The following RNF11 variants were observed in gnomAD, a reference collection of about 807,000 sequenced individuals.
RNF11 encodes ring finger protein 11.
A neutral mutation model predicts 15.8 loss-of-function variants in RNF11; 4 were observed. The ratio of observed to expected loss-of-function variants is 0.25; its 90% CI spans 0.12 to 0.58. The LOEUF (loss-of-function observed/expected upper bound fraction) is 0.58, where lower values mean the gene tolerates loss of function less well. Among genes scored for constraint, RNF11 ranks in the 20% least tolerant of loss-of-function variants. RNF11 has a pLI of 0.91. For synonymous variants in RNF11, 68 were observed against 72.3 expected, an observed-to-expected ratio of 0.94 and a Z score of 0.30; for missense variants, 139 against 194.4, an observed-to-expected ratio of 0.71 and a Z score of 1.70.
chr1:51,260,332 G>A (rs1480483523), intron 1 of RNF11, among the ~76,000 whole-genome samples: 1 of 152,138 alleles, frequency 6.6e-6, no homozygotes, highest in Admixed American at 6.5e-5. Context: ...TTTCTAAATA[G>A]GCTCATGTCT....
rs1646872988 is a variant in RNF11, at chr1:51,250,644, C to G, written c.123+13765C>G. ...AGCCTGGGTCCGCTGCACGGAGACT[C>G]TGGCGTGGGCCTTGATGAGGTGGTC... On this transcript the variant is annotated intron_variant, in intron 1 of 2. Coordinates refer to ENST00000242719, the MANE Select transcript of RNF11 (RefSeq NM_014372.5). 3 of 793,408 alleles carry G rather than the reference C, an allele frequency of 3.8e-6. No individual in the cohort carries two copies. The South Asian group carries it at 4.5e-5, about 12-fold the overall frequency. 49.1% of individuals were successfully genotyped at this position (793,408 alleles called of 1,614,324 possible).
In RNF11 at chr1:51,236,706, A is replaced by G. The variant is rs765047688; in HGVS notation, c.-51A>G. 1 of 1,603,212 alleles carries G rather than the reference A, an allele frequency of 6.2e-7. No individual in the cohort carries two copies. Among genetic ancestry groups the G allele is most frequent in the Non-Finnish European group, 8.5e-7 (1 of 1,175,420 alleles). On this transcript the variant is annotated 5_prime_UTR_variant, in exon 1 of 3. Transcript: ENST00000242719. The stretch of plus-strand genomic sequence containing the variant: ...AGGCGGACCGCGGAGTGTGCGAACG[A>G]CCCCACCGCTGCTTTCTCCTCCCCC...
chr1:51,237,839 C>A (rs1646812102), intron 1 of RNF11, among the ~76,000 whole-genome samples: 2 of 152,096 alleles, frequency 1.3e-5, no homozygotes, highest in South Asian at 4.1e-4. Flanking sequence ...TTAATTTCTT[C>A]CTGAAGAGTT....
chr1:51,236,645 TC>T lies in RNF11; in HGVS notation c.-108del. 13 of 1,462,894 alleles carry T rather than the reference TC, an allele frequency of 8.9e-6. No individual in the cohort carries two copies. In the South Asian group the frequency reaches 1.4e-4, roughly 15 times the overall value. 90.6% of individuals were successfully genotyped at this position (1,462,894 alleles called of 1,614,324 possible). A position where few individuals can be genotyped will look rare whatever the true frequency, so the allele number is the denominator to read the frequency against. ...GGGCGGTGGAGTCGCCTCCGCCTGA[TC>T]CCCGGCCTGTCGCCCGACCCCACCT... On this transcript the variant is annotated 5_prime_UTR_variant, in exon 1 of 3. Transcript: ENST00000242719.
rs72898419 is a variant in RNF11 at position 51,259,940 on chromosome 1, C to G, written c.124-10016C>G. ...ATTTTATGTAGCAATTCAAGGCCAT[C>G]AATAGTTGTAGTCTTAAAAGCCCCT... On this transcript the variant is annotated intron_variant, in intron 1 of 2. Coordinates refer to ENST00000242719, the MANE Select transcript of RNF11 (RefSeq NM_014372.5). Among the ~76,000 whole-genome samples, 1,372 of 152,248 alleles carry G rather than the reference C, an allele frequency of 9.0e-3. 21 individuals carry two copies. Among genetic ancestry groups the G allele is most frequent in the African/African-American group, 0.032 (1,330 of 41,530 alleles).
intron 1 of RNF11, among the ~76,000 whole-genome samples, chr1:51,241,824 G>A (rs566764006): frequency 2.0e-5 from 3 of 152,190 alleles, no homozygotes; most frequent in Admixed American, 6.5e-5. Context: ...GTCCATGAGA[G>A]GGGGAGGCCA....
intron 1 of RNF11, among the ~76,000 whole-genome samples, chr1:51,246,365 A>G (rs1305483688): frequency 6.6e-6 from 1 of 152,182 alleles, no homozygotes; most frequent in Non-Finnish European, 1.5e-5. Flanking sequence ...GCTTGAGCCC[A>G]GGAGTTCGAA....
chr1:51,256,963 C>A (rs1441906275), intron 1 of RNF11, among the ~76,000 whole-genome samples: 2 of 152,132 alleles, frequency 1.3e-5, no homozygotes, highest in African/African-American at 4.8e-5. Flanking sequence ...CGTGAGCCAC[C>A]GTGCCTGGTC....
chr1:51,266,682 C>G (rs371283556), intron 1 of RNF11, among the ~76,000 whole-genome samples: 18 of 152,108 alleles, frequency 1.2e-4, no homozygotes, highest in African/African-American at 3.9e-4. Flanking sequence ...AGGCTGGTCT[C>G]AAACTCCTGA....
chr1:51,262,384 T>C (rs1190978844), intron 1 of RNF11, among the ~76,000 whole-genome samples: 2 of 152,200 alleles, frequency 1.3e-5, no homozygotes, highest in Non-Finnish European at 2.9e-5. Context: ...TTAGAAGATA[T>C]AGGAGCAAAT....
rs534665791 is a variant in RNF11, at chr1:51,272,554, T to C, written c.*1232T>C. 2.2e-4 allele frequency: 33 copies of C among 152,654 alleles called. No individual in the cohort carries two copies. Among genetic ancestry groups the C allele is most frequent in the Non-Finnish European group, 2.6e-4 (18 of 68,010 alleles). The allele number at this position is 152,654 out of a possible 1,614,324, so 9.5% of individuals were successfully genotyped here. ...AAAGAAGGAATTTCTCCTTTGTTTC[T>C]TGCAGTTAATGTAAGAATACTTTAA... On this transcript the variant is annotated 3_prime_UTR_variant, in exon 3 of 3. Transcript: ENST00000242719.
chr1:51,242,830 GTT>G (rs753111278), intron 1 of RNF11, among the ~76,000 whole-genome samples: 2 of 152,012 alleles, frequency 1.3e-5, no homozygotes, highest in African/African-American at 4.8e-5. Flanking sequence ...AAAGGGTTGT[GTT>G]TTTTTATTAG....
intron 1 of RNF11, 46 bp from the exon 2 acceptor site, chr1:51,269,910 A>C (rs758910299): frequency 6.5e-7 from 1 of 1,543,000 alleles, no homozygotes; most frequent in Non-Finnish European, 8.8e-7. Flanking sequence ...AGCCCTCGAA[A>C]GGTTTTTAAA....
At chr1:51,245,653 A>G (rs1646848558) in intron 1 of RNF11, among the ~76,000 whole-genome samples, 1 of 151,616 alleles carries the variant, frequency 6.6e-6, no homozygotes, top group South Asian at 2.1e-4. Flanking sequence ...GGGTTTCACC[A>G]TGTTGGCCAG....
intron 1 of RNF11, among the ~76,000 whole-genome samples, chr1:51,261,174 T>A (rs1396921453): frequency 6.6e-6 from 1 of 152,238 alleles, no homozygotes; most frequent in East Asian, 1.9e-4. Flanking sequence ...GTTCTTAATC[T>A]CAAAGTAATC....
intron 1 of RNF11, among the ~76,000 whole-genome samples, chr1:51,269,438 G>C (rs1646968957): frequency 6.6e-6 from 1 of 152,116 alleles, no homozygotes; most frequent in African/African-American, 2.4e-5. Flanking sequence ...CTCAAAAAAA[G>C]GTGGGGGTTA....
chr1:51,250,748 A>G (rs1337578742), intron 1 of RNF11: 5 of 1,372,234 alleles, frequency 3.6e-6, no homozygotes, highest in Non-Finnish European at 5.1e-6. Flanking sequence ...AGGTCTTAGA[A>G]ATGGCATCAA....
At chr1:51,240,911 G>T (rs571758515) in intron 1 of RNF11, among the ~76,000 whole-genome samples, 132 of 152,160 alleles carry the variant, frequency 8.7e-4, no homozygotes, top group African/African-American at 3.1e-3. Flanking sequence ...CTGCCTCTTG[G>T]GTTCAAGCGA....
intron 1 of RNF11, chr1:51,250,884 G>A: frequency 9.5e-7 from 1 of 1,048,870 alleles, no homozygotes; most frequent in Non-Finnish European, 1.4e-6. Flanking sequence ...AGTGCCCCTG[G>A]GTACAGGGAT....
Sources: gnomAD v4.1 joint callset for allele counts (sites outside exome capture counted in the v4.1 genomes callset) on GRCh38, gnomAD v4.1.1 for gene constraint, MANE v1.5 for transcripts, NCBI Gene and HGNC (gene_info 2026-07-23, HGNC 2026-07-21) for gene names.